CLVS1: variants seen among roughly 807,000 people sequenced by gnomAD.
CLVS1 encodes clavesin-1.
In CLVS1, 10 loss-of-function variants were observed where a neutral mutation model predicts 33.1. That is an observed-to-expected ratio of 0.30 (90% CI 0.19 to 0.51). CLVS1 has a LOEUF of 0.51. Among genes scored for constraint, CLVS1 ranks in the 20% least tolerant of loss-of-function variants. The probability of loss-of-function intolerance (pLI) is 0.97; values close to 1 mark genes in which losing one functional copy is unlikely to be tolerated. For missense variants in CLVS1, 343 were observed against 433.4 expected (o/e 0.79, Z 1.85); for synonymous variants, 163 against 166.1 (o/e 0.98, Z 0.14).
rs1260962916 is a variant in CLVS1, at chr8:61,172,510, AT to A, written c.-152+40651del. Among the ~76,000 whole-genome samples the A allele has an allele frequency of 3.9e-5, 6 of 152,048 alleles. 1 individual carries two copies. The highest frequency in any genetic ancestry group is 1.4e-4 in the African/African-American group (6 of 41,392). On this transcript the variant is annotated intron_variant, in intron 2 of 2. Coordinates refer to the CLVS1 transcript ENST00000522621. ...ATGTATTATTTTAAAAGTAGAAAAA[AT>A]AAAATAATAAATAACATGAACAATT...
At chr8:61,190,665 C>T (rs956211045) in intron 2 of CLVS1, among the ~76,000 whole-genome samples, 1 of 151,866 alleles carries the variant, frequency 6.6e-6, no homozygotes, top group Non-Finnish European at 1.5e-5. Flanking sequence ...GAATCAAATA[C>T]ACACAATAAA....
upstream of CLVS1, among the ~76,000 whole-genome samples, chr8:61,053,632 C>T (rs1804423564): frequency 6.6e-6 from 1 of 152,026 alleles, no homozygotes. Context: ...GAGCTCCTCC[C>T]CTGGTCACAG....
intron 3 of CLVS1, among the ~76,000 whole-genome samples, chr8:61,434,486 G>A (rs1223591715): frequency 6.6e-6 from 1 of 152,190 alleles, no homozygotes; most frequent in East Asian, 1.9e-4. Context: ...ATGTGCCCAA[G>A]GTGGTTGGGG....
In CLVS1 at chr8:61,165,406, G is replaced by A. The variant is rs145834261; in HGVS notation, c.-152+33546G>A. 3.4e-3 allele frequency among the ~76,000 whole-genome samples: 523 copies of A among 152,336 alleles called. 2 individuals carry two copies. The highest frequency in any genetic ancestry group is 5.9e-3 in the Non-Finnish European group (404 of 68,024). On this transcript the variant is annotated intron_variant, in intron 2 of 2. Transcript: ENST00000522621. ...CAAAGGGGGTTGCCCTTGCCAGCTC[G>A]AATGCCTGGGTTTATATCCTGATCC...
chr8:61,463,788 C>T (rs879322838), intron 5 of CLVS1, among the ~76,000 whole-genome samples: 4 of 151,938 alleles, frequency 2.6e-5, no homozygotes, highest in Non-Finnish European at 4.4e-5. Context: ...AAGTTTGGGC[C>T]GGGTGCAGTG....
chr8:61,187,802 A>G, intron 2 of CLVS1, among the ~76,000 whole-genome samples: 1 of 149,804 alleles, frequency 6.7e-6, no homozygotes, highest in East Asian at 1.9e-4. Flanking sequence ...AATCTTATAC[A>G]TAGATTATAT....
chr8:61,167,608 G>A (rs11776662), intron 2 of CLVS1, among the ~76,000 whole-genome samples: 5,206 of 152,314 alleles, frequency 0.034, 96 homozygotes, highest in Middle Eastern at 0.041. Flanking sequence ...CAGCAACTCC[G>A]TCTTGAATAG....
chr8:60,974,254 C>T, the CLVS1 span, among the ~76,000 whole-genome samples: 4 of 152,166 alleles, frequency 2.6e-5, no homozygotes, highest in African/African-American at 4.8e-5. Flanking sequence ...CCTGCCTCCA[C>T]GAGTCCCTCC....
At chr8:61,362,393 T>G (rs1178855649) in intron 2 of CLVS1, among the ~76,000 whole-genome samples, 1 of 152,224 alleles carries the variant, frequency 6.6e-6, no homozygotes, top group Non-Finnish European at 1.5e-5. Flanking sequence ...CTCACAGACA[T>G]GTCAAGCACA....
At chr8:61,151,520 C>T (rs1240362629) in intron 2 of CLVS1, among the ~76,000 whole-genome samples, 1 of 152,120 alleles carries the variant, frequency 6.6e-6, no homozygotes, top group African/African-American at 2.4e-5. Flanking sequence ...TCTAGTACCC[C>T]CAAAGACTTC....
intron 5 of CLVS1, among the ~76,000 whole-genome samples, chr8:61,483,766 C>T (rs1803760027): frequency 6.6e-6 from 1 of 152,212 alleles, no homozygotes; most frequent in Non-Finnish European, 1.5e-5. Flanking sequence ...AAGTGTGCTT[C>T]ATCCCTGGGA....
At chr8:61,062,609 G>C (rs1368873414) in intron 1 of CLVS1, among the ~76,000 whole-genome samples, 1 of 152,188 alleles carries the variant, frequency 6.6e-6, no homozygotes, top group African/African-American at 2.4e-5. Flanking sequence ...ATGGTATTGA[G>C]CGATAAGGAA....
the CLVS1 span, among the ~76,000 whole-genome samples, chr8:60,998,479 G>T: frequency 6.6e-6 from 1 of 152,168 alleles, no homozygotes; most frequent in African/African-American, 2.4e-5. Flanking sequence ...CTTCTCTGTG[G>T]CCATGAGAGC....
chr8:61,273,063 C>A (rs1166360373), intron 2 of CLVS1, among the ~76,000 whole-genome samples: 28 of 150,932 alleles, frequency 1.9e-4, no homozygotes, highest in Non-Finnish European at 2.9e-4. Flanking sequence ...GGAGCAGAGG[C>A]GCTCTGCTTT....
chr8:61,460,063 T>A (rs1399906485), intron 5 of CLVS1, among the ~76,000 whole-genome samples: 1 of 152,164 alleles, frequency 6.6e-6, no homozygotes, highest in African/African-American at 2.4e-5. Flanking sequence ...TCTTTAAAAG[T>A]CATATATCCA....
At chr8:61,081,938 C>T (rs182534493) in intron 1 of CLVS1, among the ~76,000 whole-genome samples, 8 of 152,230 alleles carry the variant, frequency 5.3e-5, no homozygotes, top group South Asian at 2.1e-4. Flanking sequence ...TCATACTAAA[C>T]GACAAAAGCA....
chr8:61,432,823 G>A (rs2129605593), intron 3 of CLVS1, among the ~76,000 whole-genome samples: 1 of 152,342 alleles, frequency 6.6e-6, no homozygotes, highest in Admixed American at 6.5e-5. Flanking sequence ...GGTTGAGGAT[G>A]TAGGTTGAAG....
intron 5 of CLVS1, among the ~76,000 whole-genome samples, chr8:61,493,114 A>C (rs927793657): frequency 6.6e-6 from 1 of 152,244 alleles, no homozygotes; most frequent in Non-Finnish European, 1.5e-5. Flanking sequence ...ATTTAAAGAT[A>C]TTAAGTAAGG....
the CLVS1 span, among the ~76,000 whole-genome samples, chr8:61,048,061 A>C: frequency 3.1e-4 from 47 of 152,316 alleles, no homozygotes; most frequent in African/African-American, 1.1e-3. Flanking sequence ...GCTGCTACAC[A>C]CAGGAAAAGG....
Sources: allele counts gnomAD v4.1 joint callset (sites outside exome capture counted in the v4.1 genomes callset), GRCh38; gene constraint gnomAD v4.1.1; transcripts MANE v1.5; gene names NCBI Gene and HGNC (gene_info 2026-07-23, HGNC 2026-07-21).